CALD1: variants seen among roughly 807,000 people sequenced by gnomAD.
CALD1 encodes caldesmon 1, also known as caldesmon.
CALD1 carries 33 observed loss-of-function variants against 99.9 expected under a neutral mutation model. That is an observed-to-expected ratio of 0.33 (90% CI 0.25 to 0.44). CALD1 has a LOEUF of 0.44. Among genes scored for constraint, CALD1 ranks in the 20% least tolerant of loss-of-function variants. The pLI is 1.00. For synonymous variants in CALD1, 310 were observed against 325.0 expected, an observed-to-expected ratio of 0.95 and a Z score of 0.50; for missense variants, 861 against 962.1, an observed-to-expected ratio of 0.89 and a Z score of 1.39.
intron 1 of CALD1, among the ~76,000 whole-genome samples, chr7:134,838,180 A>G (rs1799518704): frequency 6.6e-6 from 1 of 152,220 alleles, no homozygotes; most frequent in Non-Finnish European, 1.5e-5. Flanking sequence ...CTACTCATTT[A>G]TACAAATATC....
chr7:134,955,747 C>T lies in CALD1; in HGVS notation c.1936-2322C>T, dbSNP rs148441116. 3.3e-3 allele frequency among the ~76,000 whole-genome samples: 503 copies of T among 152,288 alleles called. 6 individuals are homozygous for T. The highest frequency in any genetic ancestry group is 0.012 in the African/African-American group (489 of 41,550). On this transcript the variant is annotated intron_variant, in intron 9 of 14. Transcript: ENST00000361675. ...AGTACAATCACATTGGGGGTTAGGG[C>T]CTCAACACATGCATTTTAGGGGGAC...
At chr7:134,835,089 C>T (rs1313821300) in intron 1 of CALD1, among the ~76,000 whole-genome samples, 1 of 152,224 alleles carries the variant, frequency 6.6e-6, no homozygotes, top group Non-Finnish European at 1.5e-5. Context: ...ACTCTTTCAG[C>T]TGAATGTGCA....
intron 1 of CALD1, among the ~76,000 whole-genome samples, chr7:134,843,209 T>C (rs1799720238): frequency 6.6e-6 from 1 of 152,184 alleles, no homozygotes; most frequent in Non-Finnish European, 1.5e-5. Flanking sequence ...AGCATCTGTG[T>C]GTCGGGCACT....
chr7:134,779,689 C>A lies in CALD1; in HGVS notation c.-190C>A. 2.5e-6 allele frequency: 1 copy of A among 398,764 alleles called. No individual in the cohort carries two copies. The highest frequency in any genetic ancestry group is 4.4e-6 in the Non-Finnish European group (1 of 226,224). The allele number at this position is 398,764 out of a possible 1,614,324, so 24.7% of individuals were successfully genotyped here. On this transcript the variant is annotated 5_prime_UTR_variant, in exon 1 of 15. Coordinates refer to ENST00000361675, the MANE Select transcript of CALD1 (RefSeq NM_033138.4). ...TGCTTGCTCTCTGGCTGTGCTCCTG[C>A]TTAAAGAAATCAGTCCTTCCTTTCC...
chr7:134,832,796 T>G (rs555834191), intron 1 of CALD1, among the ~76,000 whole-genome samples: 9 of 152,378 alleles, frequency 5.9e-5, no homozygotes, highest in African/African-American at 2.2e-4. Context: ...GTTTCTTCCT[T>G]CACTCTTCAA....
chr7:134,882,873 A>G (rs1211872006), intron 3 of CALD1, among the ~76,000 whole-genome samples: 2 of 152,252 alleles, frequency 1.3e-5, no homozygotes, highest in Non-Finnish European at 2.9e-5. Flanking sequence ...GTAATACATT[A>G]GAGCCCAATA....
intron 2 of CALD1, among the ~76,000 whole-genome samples, chr7:134,844,690 T>G (rs549264301): frequency 1.2e-4 from 18 of 152,204 alleles, no homozygotes; most frequent in Non-Finnish European, 2.2e-4. Context: ...ATTTCTTTTC[T>G]CACCATTCTG....
intron 5 of CALD1, among the ~76,000 whole-genome samples, chr7:134,935,418 C>G (rs1360698432): frequency 6.6e-6 from 1 of 152,116 alleles, no homozygotes; most frequent in African/African-American, 2.4e-5. Context: ...CAAAGTGCAC[C>G]AAACCACACA....
intron 3 of CALD1, among the ~76,000 whole-genome samples, chr7:134,908,871 T>A (rs1386677469): frequency 2.0e-5 from 3 of 152,160 alleles, no homozygotes; most frequent in Non-Finnish European, 4.4e-5. Context: ...GTTGGTAGAT[T>A]CAGTTCGGTT....
At chr7:134,924,379 A>G (rs1206709459) in intron 3 of CALD1, among the ~76,000 whole-genome samples, 1 of 151,992 alleles carries the variant, frequency 6.6e-6, no homozygotes, top group Non-Finnish European at 1.5e-5. Flanking sequence ...TTTTTTTTCA[A>G]TTTCGGAAGA....
At chr7:134,943,154 G>T (rs1012049395) in intron 7 of CALD1, among the ~76,000 whole-genome samples, 3 of 152,144 alleles carry the variant, frequency 2.0e-5, no homozygotes, top group Non-Finnish European at 4.4e-5. Flanking sequence ...AAAATGAGGA[G>T]AGAGGAAGAG....
intron 1 of CALD1, among the ~76,000 whole-genome samples, chr7:134,839,791 G>A (rs1188382246): frequency 3.9e-5 from 6 of 152,122 alleles, no homozygotes; most frequent in Non-Finnish European, 7.4e-5. Context: ...CCTGGCTCAA[G>A]AGATCCTCCC....
the CALD1 span, among the ~76,000 whole-genome samples, chr7:134,727,613 G>T: frequency 2.0e-5 from 3 of 152,198 alleles, no homozygotes; most frequent in Admixed American, 1.3e-4. Context: ...GCAAAAACCT[G>T]GTTAACATCA....
In CALD1 at chr7:134,813,897, C is replaced by T. The variant is rs568797141; in HGVS notation, c.-129-29987C>T. 7.9e-5 allele frequency among the ~76,000 whole-genome samples: 12 copies of T among 152,160 alleles called. 1 individual carries two copies. The South Asian group carries it at 1.0e-3, about 13-fold the overall frequency. On this transcript the variant is annotated intron_variant, in intron 1 of 14. Transcript: ENST00000361675. The stretch of plus-strand genomic sequence containing the variant: ...TCAGGGGATGTCAGCTGGTAAAGGA[C>T]GGTGGGTGGCTGAGGCATGTGGGAA...
chr7:134,806,058 GC>G (rs1204501508), intron 1 of CALD1, among the ~76,000 whole-genome samples: 1 of 152,146 alleles, frequency 6.6e-6, no homozygotes, highest in Non-Finnish European at 1.5e-5. Context: ...ACCACACCCG[GC>G]CCCAAAGAAG....
intron 7 of CALD1, 72 bp from the exon 8 acceptor site, chr7:134,947,436 C>A: frequency 6.9e-7 from 1 of 1,453,358 alleles, no homozygotes. Context: ...AGCCGCAGAC[C>A]GACCTCCCCT....
chr7:134,831,456 T>C (rs936021399), intron 1 of CALD1, among the ~76,000 whole-genome samples: 2 of 152,012 alleles, frequency 1.3e-5, no homozygotes, highest in African/African-American at 4.8e-5. Flanking sequence ...GTAGCTGGGA[T>C]TACAGGTGCC....
chr7:134,729,675 C>A, the CALD1 span, among the ~76,000 whole-genome samples: 1 of 152,234 alleles, frequency 6.6e-6, no homozygotes, highest in African/African-American at 2.4e-5. Context: ...TGCCACAGGA[C>A]ACTGCCTTCT....
chr7:134,792,414 C>T (rs766455333), intron 1 of CALD1, among the ~76,000 whole-genome samples: 15 of 151,778 alleles, frequency 9.9e-5, no homozygotes, highest in African/African-American at 2.2e-4. Flanking sequence ...CTTGGCCTCC[C>T]GAGTAGCTGG....
Sources: allele counts gnomAD v4.1 joint callset (sites outside exome capture counted in the v4.1 genomes callset), GRCh38; gene constraint gnomAD v4.1.1; transcripts MANE v1.5; gene names NCBI Gene and HGNC (gene_info 2026-07-23, HGNC 2026-07-21).